Variants in SOWAHB observed in about 807,000 individuals in gnomAD.
SOWAHB encodes sosondowah ankyrin repeat domain family member B.
Under a neutral mutation model 18.3 loss-of-function variants are expected in SOWAHB, and 17 were observed. That is an observed-to-expected ratio of 0.93 (90% confidence interval 0.64 to 1.40). SOWAHB has a LOEUF of 1.40. Ranked by LOEUF, SOWAHB falls within the 40% of genes most tolerant of loss-of-function variation. The pLI, the probability that SOWAHB is intolerant of heterozygous loss-of-function variation, is 0.00. For missense variants in SOWAHB, 1,126 were observed against 1,033.7 expected, an observed-to-expected ratio of 1.09 and a Z score of -1.22; for synonymous variants, 496 against 448.1, an observed-to-expected ratio of 1.11 and a Z score of -1.35.
rs1315836469 is a variant in SOWAHB, at chr4:76,895,530, T to C, written c.2320A>G (p.Lys774Glu). 1 of 1,614,042 alleles carries C rather than the reference T, an allele frequency of 6.2e-7. No individual in the cohort carries two copies. The highest frequency in any genetic ancestry group is 8.5e-7 in the Non-Finnish European group (1 of 1,180,018). Residue 774 changes from lysine to glutamate, a missense_variant, in exon 1 of 1, where the codon AAA becomes GAA. Transcript: ENST00000334306. ...AATTTCTCATACTGGTTGGCCAGTT[T>C]CCACTTGTTGTGCTGACTTTTGAGT... ...ALLKSQHNKW[K>E]LANQYEKFHS...
chr4:76,897,437 G>T lies in SOWAHB; in HGVS notation c.413C>A (p.Ala138Asp), dbSNP rs778017269. ...ATTGCAAGCTGCGTCGGCGGCTCTG[G>T]CTGCTGCACCTGCTGGCTCCTCCTC... ...EPEEEPAGAA[A>D]RAADAACNGL... Residue 138 changes from alanine (A) to aspartate (D), a missense_variant, in exon 1 of 1, where the codon GCC becomes GAC. Ala to Asp is a moderately radical substitution (Grantham distance 126, BLOSUM62 -2). Transcript: ENST00000334306. The surrounding 1 kb of genome is among the most constrained non-coding windows in gnomAD (Gnocchi z 6.4). 4.6e-6 allele frequency: 7 copies of T among 1,512,524 alleles called. No individual in the cohort carries two copies. The highest frequency in any genetic ancestry group is 6.2e-6 in the Non-Finnish European group (7 of 1,137,610). The allele number at this position is 1,512,524 out of a possible 1,614,324, so 93.7% of individuals were successfully genotyped here.
In SOWAHB at chr4:76,896,095, C is replaced by G. The variant is rs1334729069; in HGVS notation, c.1755G>C (p.Glu585Asp). 1.1e-5 allele frequency: 18 copies of G among 1,584,268 alleles called. No individual in the cohort carries two copies. Among genetic ancestry groups the G allele is most frequent in the Non-Finnish European group, 1.5e-5 (17 of 1,165,948 alleles). ...CTAGTGGAACCAGGGATGATTTGTGCTCAGAAGTTCTGTGGGGGGCCAAGG... is the reference window on the plus strand; with the variant it reads ...CTAGTGGAACCAGGGATGATTTGTGGTCAGAAGTTCTGTGGGGGGCCAAGG... ...SAALAPHRTS[E>D]HKSSLVPLDA... is the part of the protein sequence containing the mutation. The change falls in exon 1 of 1, where the codon GAG (glutamate) becomes GAC (aspartate). Residue 585 changes from glutamate (E) to aspartate (D), a missense_variant. By Grantham distance (45) the Glu-to-Asp change is conservative. Coordinates refer to ENST00000334306, the MANE Select transcript of SOWAHB (RefSeq NM_001029870.3).
In SOWAHB at chr4:76,895,999, C is replaced by G; in HGVS notation, c.1851G>C (p.Trp617Cys). The change falls in exon 1 of 1, where the codon TGG becomes TGC. Residue 617 changes from tryptophan to cysteine, a missense_variant. Trp to Cys is a radical substitution (Grantham distance 215). Transcript: ENST00000334306. ...TGTGCAAGGCCAGTTGAGGGTCCTC[C>G]CAGAACAAAGTCCACACCTGAATCC... ...GSWIQVWTLFWEDPQLALHKD... is the reference protein window; with the variant it reads ...GSWIQVWTLFCEDPQLALHKD... 4.3e-6 allele frequency: 7 copies of G among 1,613,826 alleles called. No individual in the cohort carries two copies. The highest frequency in any genetic ancestry group is 1.3e-5 in the African/African-American group (1 of 75,032).
At position 76,896,703 on chromosome 4, in the gene SOWAHB, G is replaced by C; in HGVS notation, c.1147C>G (p.Arg383Gly). ...AGGGACAGCTGACAACGAATGCTGC[G>C]AAAGACAGTCAATGAAGGGTTCCCC... ...WAGNPSLTVF[R>G]SIRCQLSLQD... The change falls in exon 1 of 1, where the codon CGC becomes GGC. Residue 383 changes from arginine (R) to glycine (G), a missense_variant. Coordinates refer to ENST00000334306, the MANE Select transcript of SOWAHB (RefSeq NM_001029870.3). The C allele has an allele frequency of 6.2e-7, 1 of 1,614,004 alleles. No homozygotes were observed. The highest frequency in any genetic ancestry group is 8.5e-7 in the Non-Finnish European group (1 of 1,180,012).
At position 76,897,070 on chromosome 4, in the gene SOWAHB, G is replaced by T. The variant is rs763422796; in HGVS notation, c.780C>A (p.Pro260=). Residue 260 remains proline (P), a synonymous_variant, in exon 1 of 1, where the codon CCC becomes CCA. Coordinates refer to ENST00000334306, the MANE Select transcript of SOWAHB (RefSeq NM_001029870.3). This position sits in a 1 kb window ranked among gnomAD's most constrained non-coding sequence, Gnocchi z 6.4. ...APVPAVAHSP[P]ATVEAATSRA... Reference sequence around the variant, plus strand: ...TGCTTGTCGCAGCCTCGACGGTGGCGGGAGGCGAGTGAGCCACTGCAGGCA... The same window carrying T: ...TGCTTGTCGCAGCCTCGACGGTGGCTGGAGGCGAGTGAGCCACTGCAGGCA... 19 of 1,538,602 alleles carry T rather than the reference G, an allele frequency of 1.2e-5. No homozygotes were observed. The highest frequency in any genetic ancestry group is 1.7e-5 in the Non-Finnish European group (19 of 1,148,288).
rs1237913053 is a variant in SOWAHB at position 76,896,254 on chromosome 4, G to C, written c.1596C>G (p.Pro532=). The C allele has an allele frequency of 1.9e-6, 3 of 1,600,106 alleles. No homozygotes were observed. The highest frequency in any genetic ancestry group is 2.6e-6 in the Non-Finnish European group (3 of 1,171,670). The change falls in exon 1 of 1, where the codon CCC becomes CCG. Residue 532 remains proline, a synonymous_variant. Coordinates refer to ENST00000334306, the MANE Select transcript of SOWAHB (RefSeq NM_001029870.3). Reference sequence around the variant, plus strand: ...GGCTGGGTGCCGTTCCTGCCTTGGAGGGCTTCCTGGATCGAGGTGGGCGCC... The same window carrying C: ...GGCTGGGTGCCGTTCCTGCCTTGGACGGCTTCCTGGATCGAGGTGGGCGCC... ...RSRRPPRSRK[P]SKAGTAPSPR... is the part of the protein sequence containing the mutation.
In SOWAHB at chr4:76,895,750, C is replaced by G; in HGVS notation, c.2100G>C (p.Arg700Ser). Residue 700 changes from arginine (R) to serine (S), a missense_variant, in exon 1 of 1, where the codon AGG (arginine) becomes AGC (serine). Physicochemically the swap from Arg to Ser is moderately radical, Grantham distance 110. Coordinates refer to ENST00000334306, the MANE Select transcript of SOWAHB (RefSeq NM_001029870.3). Reference sequence around the variant, plus strand: ...GCCATGGCTTCTTCCCACTGCTGTCCCTGACATTTACCCGAGAAGCCAACC... The same window carrying G: ...GCCATGGCTTCTTCCCACTGCTGTCGCTGACATTTACCCGAGAAGCCAACC... ...VQRLASRVNV[R>S]DSSGKKPWQY... 6.2e-7 allele frequency: 1 copy of G among 1,614,242 alleles called. No homozygotes were observed.
Position 76,897,315 on chromosome 4 carries a change from C to A in SOWAHB, c.535G>T (p.Ala179Ser), listed in dbSNP as rs760252777. 1.2e-5 allele frequency: 19 copies of A among 1,539,556 alleles called. No individual in the cohort carries two copies. The highest frequency in any genetic ancestry group is 3.6e-5 in the South Asian group (3 of 84,308). ...CAGCTCGCTCTCGCCTGGGCCCCTGCCGCTGCAGCTGCGGGCACCGGCGGC... is the reference window on the plus strand; with the variant it reads ...CAGCTCGCTCTCGCCTGGGCCCCTGACGCTGCAGCTGCGGGCACCGGCGGC... ...QRPPVPAAAA[A>S]GAQARASCAA... The change falls in exon 1 of 1, where the codon GCA becomes TCA. Residue 179 changes from alanine (A) to serine (S), a missense_variant. Transcript: ENST00000334306. The surrounding 1 kb of genome is among the most constrained non-coding windows in gnomAD (Gnocchi z 6.4).
In SOWAHB at chr4:76,894,370, A is replaced by G. The variant is rs1578080901; in HGVS notation, c.*1098T>C. 6.6e-6 allele frequency among the ~76,000 whole-genome samples: 1 copy of G among 152,210 alleles called. No individual in the cohort carries two copies. Among genetic ancestry groups the G allele is most frequent in the African/African-American group, 2.4e-5 (1 of 41,452 alleles). Reference sequence around the variant, plus strand: ...TATAGACTAGCCATTTTCTCACTCCATGAACTCACAAGTTATCGGTCTCTT... The same window carrying G: ...TATAGACTAGCCATTTTCTCACTCCGTGAACTCACAAGTTATCGGTCTCTT... On this transcript the variant is annotated 3_prime_UTR_variant, in exon 1 of 1. Coordinates refer to ENST00000334306, the MANE Select transcript of SOWAHB (RefSeq NM_001029870.3).
rs751646948 is a variant in SOWAHB, at chr4:76,896,650, C to T, written c.1200G>A (p.Gln400=). The change falls in exon 1 of 1, where the codon CAG becomes CAA. Residue 400 remains glutamine, a synonymous_variant. Coordinates refer to ENST00000334306, the MANE Select transcript of SOWAHB (RefSeq NM_001029870.3). ...SLQDLDDFVD[Q]ESDGSEESSS... ...TGCTCTCCTCACTGCCATCACTCTCCTGGTCCACAAAGTCATCCAGATCTT... is the reference window on the plus strand; with the variant it reads ...TGCTCTCCTCACTGCCATCACTCTCTTGGTCCACAAAGTCATCCAGATCTT... 2 of 1,614,078 alleles carry T rather than the reference C, an allele frequency of 1.2e-6. No homozygotes were observed. The highest frequency in any genetic ancestry group is 8.5e-7 in the Non-Finnish European group (1 of 1,180,036).
chr4:76,896,277 G>T lies in SOWAHB; in HGVS notation c.1573C>A (p.Arg525Ser). 6.2e-7 allele frequency: 1 copy of T among 1,607,534 alleles called. No homozygotes were observed. Among genetic ancestry groups the T allele is most frequent in the Non-Finnish European group, 8.5e-7 (1 of 1,175,588 alleles). Residue 525 changes from arginine to serine, a missense_variant, in exon 1 of 1, where the codon CGC becomes AGC. By Grantham distance (110) the Arg-to-Ser change is moderately radical. Transcript: ENST00000334306. ...LDEGLLKRSR[R>S]PPRSRKPSKA... ...GAGGGCTTCCTGGATCGAGGTGGGC[G>T]CCGACTTCTTTTCAGCAAGCCCTCA...
At position 76,894,623 on chromosome 4, in the gene SOWAHB, G is replaced by A. The variant is rs536584028; in HGVS notation, c.*845C>T. Among the ~76,000 whole-genome samples, 6 of 152,270 alleles carry A rather than the reference G, an allele frequency of 3.9e-5. No individual in the cohort carries two copies. The highest frequency in any genetic ancestry group is 9.6e-5 in the African/African-American group (4 of 41,552). On this transcript the variant is annotated 3_prime_UTR_variant, in exon 1 of 1. Coordinates refer to ENST00000334306, the MANE Select transcript of SOWAHB (RefSeq NM_001029870.3). ...ATTCAAACCTCTGAAAACTAGTAAC[G>A]ATAATTCTGTTTGTTACACAGGGAG...
In SOWAHB at chr4:76,895,651, A is replaced by G; in HGVS notation, c.2199T>C (p.Pro733=). 6.2e-7 allele frequency: 1 copy of G among 1,614,214 alleles called. No homozygotes were observed. Among genetic ancestry groups the G allele is most frequent in the Non-Finnish European group, 8.5e-7 (1 of 1,180,038 alleles). ...AAGAACTTCCAACTAAGGGATAGACAGGGAAAATGGGCTTGCCCCGAGGAG... is the reference window on the plus strand; with the variant it reads ...AAGAACTTCCAACTAAGGGATAGACGGGGAAAATGGGCTTGCCCCGAGGAG... The part of the protein sequence containing the change: ...LGAPRGKPIF[P]VYPLVGSSSP... Residue 733 remains proline (P), a synonymous_variant, in exon 1 of 1, where the codon CCT becomes CCC. Transcript: ENST00000334306.
In SOWAHB at chr4:76,897,077, G is replaced by A. The variant is rs1181253550; in HGVS notation, c.773C>T (p.Ser258Leu). 6.5e-7 allele frequency: 1 copy of A among 1,537,920 alleles called. No homozygotes were observed. The change falls in exon 1 of 1, where the codon TCG (serine) becomes TTG (leucine). Residue 258 changes from serine to leucine, a missense_variant. Coordinates refer to ENST00000334306, the MANE Select transcript of SOWAHB (RefSeq NM_001029870.3). This position sits in a 1 kb window ranked among gnomAD's most constrained non-coding sequence, Gnocchi z 6.4. ...EPAPVPAVAHSPPATVEAATS... is the reference protein window; with the variant it reads ...EPAPVPAVAHLPPATVEAATS... The stretch of plus-strand genomic sequence containing the variant: ...CGCAGCCTCGACGGTGGCGGGAGGC[G>A]AGTGAGCCACTGCAGGCACAGGCGC...
In SOWAHB at chr4:76,897,770, A is replaced by G; in HGVS notation, c.80T>C (p.Leu27Pro). The change falls in exon 1 of 1, where the codon CTG becomes CCG. Residue 27 changes from leucine to proline, a missense_variant. By Grantham distance (98) the Leu-to-Pro change is moderately conservative. Transcript: ENST00000334306. The surrounding 1 kb of genome is among the most constrained non-coding windows in gnomAD (Gnocchi z 6.4). ...TCGGAGAAAGCTCTTGAAGTGGCTC[A>G]GCAAGGCAGCGTTGGTCACGCGGCC... ...AGGRVTNAAL[L>P]SHFKSFLRDP... The G allele has an allele frequency of 6.2e-7, 1 of 1,605,786 alleles. No individual in the cohort carries two copies. The highest frequency in any genetic ancestry group is 8.5e-7 in the Non-Finnish European group (1 of 1,179,864).
rs763166530 is a variant in SOWAHB at position 76,896,641 on chromosome 4, A to C, written c.1209T>G (p.Asp403Glu). 19 of 1,613,882 alleles carry C rather than the reference A, an allele frequency of 1.2e-5. No individual in the cohort carries two copies. The highest frequency in any genetic ancestry group is 1.6e-5 in the Non-Finnish European group (19 of 1,180,028). Residue 403 changes from aspartate (D) to glutamate (E), a missense_variant, in exon 1 of 1, where the codon GAT (aspartate) becomes GAG (glutamate). Coordinates refer to ENST00000334306, the MANE Select transcript of SOWAHB (RefSeq NM_001029870.3). The stretch of plus-strand genomic sequence containing the variant: ...GCCCACTGCTGCTCTCCTCACTGCC[A>C]TCACTCTCCTGGTCCACAAAGTCAT... Reference protein sequence around the residue: ...DLDDFVDQESDGSEESSSGPK... With the variant: ...DLDDFVDQESEGSEESSSGPK...
rs1719905851 is a variant in SOWAHB at position 76,896,192 on chromosome 4, T to C, written c.1658A>G (p.Glu553Gly). ...VDAGLSLKLA[E>G]VKAVVAERGW... ...CCGCTCGGCCACAACAGCCTTAACCTCTGCAAGTTTTAGTGATAAACCTGC... is the reference window on the plus strand; with the variant it reads ...CCGCTCGGCCACAACAGCCTTAACCCCTGCAAGTTTTAGTGATAAACCTGC... The change falls in exon 1 of 1, where the codon GAG becomes GGG. Residue 553 changes from glutamate (E) to glycine (G), a missense_variant. Physicochemically the swap from Glu to Gly is moderately conservative, Grantham distance 98. Coordinates refer to ENST00000334306, the MANE Select transcript of SOWAHB (RefSeq NM_001029870.3). The C allele has an allele frequency of 1.3e-6, 2 of 1,559,294 alleles. No individual in the cohort carries two copies. The highest frequency in any genetic ancestry group is 2.7e-5 in the African/African-American group (2 of 73,064).
At position 76,896,274 on chromosome 4, in the gene SOWAHB, GGCGCC is replaced by G; in HGVS notation, c.1571_1575del (p.Arg524ProfsTer19). On this transcript the variant is annotated frameshift_variant, in exon 1 of 1. Coordinates refer to ENST00000334306, the MANE Select transcript of SOWAHB (RefSeq NM_001029870.3). LOFTEE classifies it low-confidence loss of function (END_TRUNC). ...TTGGAGGGCTTCCTGGATCGAGGTG[GGCGCC>G]GACTTCTTTTCAGCAAGCCCTCATC... The G allele has an allele frequency of 6.2e-7, 1 of 1,607,048 alleles. No individual in the cohort carries two copies.
In SOWAHB at chr4:76,895,985, A is replaced by C; in HGVS notation, c.1865T>G (p.Leu622Arg). 6.2e-7 allele frequency: 1 copy of C among 1,614,038 alleles called. No individual in the cohort carries two copies. The highest frequency in any genetic ancestry group is 8.5e-7 in the Non-Finnish European group (1 of 1,180,052). Residue 622 changes from leucine to arginine, a missense_variant, in exon 1 of 1, where the codon CTG (leucine) becomes CGG (arginine). Leu to Arg is a moderately radical substitution (Grantham distance 102). Coordinates refer to ENST00000334306, the MANE Select transcript of SOWAHB (RefSeq NM_001029870.3). Reference protein sequence around the residue: ...VWTLFWEDPQLALHKDFLTGY... With the variant: ...VWTLFWEDPQRALHKDFLTGY... ...AGTCAAAAAGTCTTTGTGCAAGGCC[A>C]GTTGAGGGTCCTCCCAGAACAAAGT...
Sources: allele counts gnomAD v4.1 joint callset (sites outside exome capture counted in the v4.1 genomes callset), GRCh38; gene constraint gnomAD v4.1.1; non-coding constraint Gnocchi (gnomAD v3.1); transcripts MANE v1.5; gene names NCBI Gene and HGNC (gene_info 2026-07-23, HGNC 2026-07-21).